The following FSTL5 variants were observed in gnomAD, a reference collection of about 807,000 sequenced individuals.
FSTL5 encodes follistatin like 5, also known as follistatin-related protein 5.
In FSTL5, 62 loss-of-function variants were observed where a neutral mutation model predicts 89.1. The ratio of observed to expected loss-of-function variants is 0.70; its 90% CI spans 0.57 to 0.86. The LOEUF (loss-of-function observed/expected upper bound fraction) is 0.86. Among genes scored for constraint, FSTL5 ranks in the 40% least tolerant of loss-of-function variants. The pLI, the probability that FSTL5 is intolerant of heterozygous loss-of-function variation, is 0.00. For synonymous variants in FSTL5, 383 were observed against 346.2 expected (o/e 1.11, Z -1.18); for missense variants, 1,057 against 1,001.6 (o/e 1.06, Z -0.75).
At chr4:161,587,894 C>A (rs966858906) in intron 7 of FSTL5, among the ~76,000 whole-genome samples, 1 of 152,142 alleles carries the variant, frequency 6.6e-6, no homozygotes, top group Non-Finnish European at 1.5e-5. Context: ...TTAGAACAGG[C>A]CAGGCACGGT....
chr4:161,438,584 T>G lies in FSTL5; in HGVS notation c.1841+16420A>C, dbSNP rs529720609. On this transcript the variant is annotated intron_variant, in intron 15 of 15. Coordinates refer to ENST00000306100, the MANE Select transcript of FSTL5 (RefSeq NM_020116.5). ...TTACAATTTCTCATGATAAAAGTAT[T>G]TATAAAATTCTAAAGAACACCCGAA... is the stretch of plus-strand genomic sequence containing the variant. Among the ~76,000 whole-genome samples the G allele has an allele frequency of 2.6e-5, 4 of 152,274 alleles. No homozygotes were observed. In the East Asian group the frequency reaches 5.8e-4, roughly 22 times the overall value.
chr4:161,859,509 A>C (rs1459139441), intron 4 of FSTL5, among the ~76,000 whole-genome samples: 1 of 152,180 alleles, frequency 6.6e-6, no homozygotes, highest in African/African-American at 2.4e-5. Context: ...TAAAATAGGA[A>C]CTACTTTATA....
At chr4:161,486,907 C>T (rs184771813) in intron 12 of FSTL5, among the ~76,000 whole-genome samples, 1 of 152,128 alleles carries the variant, frequency 6.6e-6, no homozygotes. Context: ...TTAGCTAGAG[C>T]ACTCTACTTA....
chr4:161,691,484 C>A lies in FSTL5; in HGVS notation c.728-34990G>T, dbSNP rs1379040340. On this transcript the variant is annotated intron_variant, in intron 6 of 15. Coordinates refer to ENST00000306100, the MANE Select transcript of FSTL5 (RefSeq NM_020116.5). The stretch of plus-strand genomic sequence containing the variant: ...ATGTGAATCTTCCCAATTTGTTTTT[C>A]TTTTCAACATTATTTTGGTTATTGG... 5.3e-5 allele frequency among the ~76,000 whole-genome samples: 8 copies of A among 152,026 alleles called. 1 individual carries two copies. In the East Asian group the frequency reaches 1.5e-3, roughly 29 times the overall value.
intron 3 of FSTL5, among the ~76,000 whole-genome samples, chr4:161,950,234 G>C (rs1734853291): frequency 1.3e-5 from 2 of 152,060 alleles, no homozygotes; most frequent in South Asian, 4.1e-4. Context: ...TTGCTTTACA[G>C]CACAGCTGCC....
At chr4:161,415,681 AAGAG>A (rs1731749638) in intron 15 of FSTL5, among the ~76,000 whole-genome samples, 3 of 147,512 alleles carry the variant, frequency 2.0e-5, no homozygotes, top group Non-Finnish European at 3.0e-5. Flanking sequence ...GAGAGAGAGA[AAGAG>A]AGAGAAAGAG....
intron 15 of FSTL5, among the ~76,000 whole-genome samples, chr4:161,413,405 T>C (rs549313280): frequency 1.3e-5 from 2 of 152,096 alleles, no homozygotes; most frequent in African/African-American, 2.4e-5. Context: ...ATGGCCATTA[T>C]TAAAAAGCCA....
At chr4:162,110,906 C>CTAA (rs1731409559) in intron 2 of FSTL5, among the ~76,000 whole-genome samples, 2 of 151,804 alleles carry the variant, frequency 1.3e-5, no homozygotes, top group African/African-American at 4.8e-5. Context: ...AAGCATAGGA[C>CTAA]ATAACACTTA....
At chr4:161,628,763 G>C (rs1489143276) in intron 7 of FSTL5, among the ~76,000 whole-genome samples, 2 of 152,000 alleles carry the variant, frequency 1.3e-5, no homozygotes, top group African/African-American at 4.8e-5. Context: ...TTATTCCCTT[G>C]ATCACAATTT....
intron 1 of FSTL5, among the ~76,000 whole-genome samples, chr4:162,112,122 A>T (rs1270782578): frequency 1.3e-5 from 2 of 152,158 alleles, no homozygotes; most frequent in Admixed American, 6.5e-5. Context: ...TACAAATCTA[A>T]GCTTTGAGTT....
intron 10 of FSTL5, among the ~76,000 whole-genome samples, chr4:161,525,562 T>C (rs1034713520): frequency 6.6e-6 from 1 of 152,134 alleles, no homozygotes; most frequent in African/African-American, 2.4e-5. Flanking sequence ...TCAATACAAA[T>C]ACTCAATTCA....
intron 1 of FSTL5, 118 bp from the exon 2 acceptor site, chr4:162,111,530 T>C (rs891522655): frequency 1.7e-5 from 12 of 710,940 alleles, no homozygotes; most frequent in Non-Finnish European, 2.4e-5. Flanking sequence ...AACTTGCTGG[T>C]AGTTGCCAAG....
chr4:161,992,568 C>T (rs915482982), intron 3 of FSTL5, among the ~76,000 whole-genome samples: 4 of 151,680 alleles, frequency 2.6e-5, no homozygotes, highest in Admixed American at 1.3e-4. Flanking sequence ...GGAAGCAGGG[C>T]GCGGTGGTTC....
rs1196501615 is a variant in FSTL5, at chr4:162,032,264, CATGAGAAGGAAG to C, written c.160+1349_160+1360del. On this transcript the variant is annotated intron_variant, in intron 3 of 15. Transcript: ENST00000306100. ...ATAAACCTGAAACCCTGGAACCCTT[CATGAGAAGGAAG>C]ATGCATACTCAGTAAGTTTAAATGC... is the stretch of plus-strand genomic sequence containing the variant. Among the ~76,000 whole-genome samples the C allele has an allele frequency of 5.3e-5, 8 of 152,084 alleles. No individual in the cohort carries two copies. In the East Asian group the frequency reaches 1.5e-3, roughly 29 times the overall value.
At chr4:162,001,416 T>A (rs1736459515) in intron 3 of FSTL5, among the ~76,000 whole-genome samples, 1 of 152,174 alleles carries the variant, frequency 6.6e-6, no homozygotes, top group Admixed American at 6.5e-5. Context: ...AGTCACACAG[T>A]CATGAATTTG....
At chr4:162,059,179 T>A (rs1410483800) in intron 2 of FSTL5, among the ~76,000 whole-genome samples, 1 of 152,186 alleles carries the variant, frequency 6.6e-6, no homozygotes, top group East Asian at 1.9e-4. Flanking sequence ...AACCTAAAAT[T>A]ATGTGATATT....
At chr4:162,162,952 G>A (rs1009133385) in intron 1 of FSTL5, among the ~76,000 whole-genome samples, 4 of 152,190 alleles carry the variant, frequency 2.6e-5, no homozygotes, top group African/African-American at 7.2e-5. Flanking sequence ...GTCAACAGCA[G>A]AACAAACAGC....
At chr4:161,482,322 A>AC (rs1056078752) in intron 12 of FSTL5, among the ~76,000 whole-genome samples, 1 of 152,194 alleles carries the variant, frequency 6.6e-6, no homozygotes, top group African/African-American at 2.4e-5. Flanking sequence ...TCTCAAAAAA[A>AC]AAAATTATGT....
chr4:161,618,017 T>C (rs544468991), intron 7 of FSTL5, among the ~76,000 whole-genome samples: 3 of 152,164 alleles, frequency 2.0e-5, no homozygotes, highest in Non-Finnish European at 4.4e-5. Flanking sequence ...GGTTTGTAGT[T>C]CTCCTTGAAG....
Sources: gnomAD v4.1 joint callset for allele counts (sites outside exome capture counted in the v4.1 genomes callset) on GRCh38, gnomAD v4.1.1 for gene constraint, MANE v1.5 for transcripts, NCBI Gene and HGNC (gene_info 2026-07-23, HGNC 2026-07-21) for gene names.